LPP: variants seen among roughly 807,000 people sequenced by gnomAD.
LPP encodes the protein lipoma-preferred partner.
A neutral mutation model predicts 60.4 loss-of-function variants in LPP; 38 were observed. That is an observed-to-expected ratio of 0.63 (90% CI 0.49 to 0.83). LPP has a LOEUF of 0.83. Ranked by LOEUF, LPP falls within the 40% of genes least tolerant of loss-of-function variation. The pLI, the probability that LPP is intolerant of heterozygous loss-of-function variation, is 0.00. For missense variants in LPP, 902 were observed against 783.6 expected (o/e 1.15, Z -1.80); for synonymous variants, 328 against 290.8 (o/e 1.13, Z -1.30).
intron 3 of LPP, among the ~76,000 whole-genome samples, chr3:188,366,346 G>A (rs747116623): frequency 6.6e-6 from 1 of 152,154 alleles, no homozygotes; most frequent in Non-Finnish European, 1.5e-5. Context: ...AGTGAACATG[G>A]GAGTGCAGGT....
chr3:188,325,166 A>C (rs1023911235), intron 2 of LPP, among the ~76,000 whole-genome samples: 6 of 152,024 alleles, frequency 3.9e-5, no homozygotes, highest in Non-Finnish European at 8.8e-5. Context: ...TTTTTAGTAG[A>C]GATGGGTTTT....
chr3:188,688,621 A>G (rs541817304), intron 7 of LPP, among the ~76,000 whole-genome samples: 2 of 152,346 alleles, frequency 1.3e-5, no homozygotes, highest in South Asian at 2.1e-4. Flanking sequence ...AAGAGGAGCT[A>G]GAAGAGGTTT....
intron 3 of LPP, among the ~76,000 whole-genome samples, chr3:188,387,842 G>C (rs951933834): frequency 7.9e-5 from 12 of 152,152 alleles, no homozygotes; most frequent in Admixed American, 7.2e-4. Context: ...TGGGATTACA[G>C]GCATGAGCCA....
At chr3:188,618,836 A>G (rs1186063001) in intron 7 of LPP, among the ~76,000 whole-genome samples, 2 of 152,072 alleles carry the variant, frequency 1.3e-5, no homozygotes, top group Non-Finnish European at 2.9e-5. Flanking sequence ...TTTTAAATTC[A>G]CATTTAAAGA....
chr3:188,204,465 C>G (rs1198225481), intron 1 of LPP, among the ~76,000 whole-genome samples: 1 of 152,084 alleles, frequency 6.6e-6, no homozygotes, highest in Non-Finnish European at 1.5e-5. Context: ...GGGGGTGATT[C>G]TCAAGTTTTG....
intron 5 of LPP, among the ~76,000 whole-genome samples, chr3:188,512,200 A>G (rs1239021997): frequency 6.6e-6 from 1 of 152,190 alleles, no homozygotes; most frequent in Non-Finnish European, 1.5e-5. Flanking sequence ...TTGTTCAAAC[A>G]TCTTTTATCT....
intron 9 of LPP, among the ~76,000 whole-genome samples, chr3:188,828,556 A>G (rs1222604958): frequency 1.4e-5 from 2 of 146,866 alleles, no homozygotes; most frequent in South Asian, 2.2e-4. Flanking sequence ...TGGAGGTTTC[A>G]GAGAGCAGAG....
At chr3:188,155,269 A>C (rs1055976658) in intron 1 of LPP, among the ~76,000 whole-genome samples, 1 of 152,078 alleles carries the variant, frequency 6.6e-6, no homozygotes, top group African/African-American at 2.4e-5. Flanking sequence ...CCAACACAAA[A>C]CAACTAGCGA....
At chr3:188,855,770 C>G (rs2151899319) in intron 9 of LPP, among the ~76,000 whole-genome samples, 1 of 152,312 alleles carries the variant, frequency 6.6e-6, no homozygotes, top group East Asian at 1.9e-4. Flanking sequence ...GCCCTATTAA[C>G]TTAATTCCCT....
chr3:188,751,592 T>C (rs537299953), intron 8 of LPP, among the ~76,000 whole-genome samples: 1 of 152,322 alleles, frequency 6.6e-6, no homozygotes, highest in Admixed American at 6.5e-5. Context: ...TGTGGACTTT[T>C]AAAGTAGTAA....
chr3:188,853,082 G>A (rs1481199013), intron 9 of LPP, among the ~76,000 whole-genome samples: 2 of 152,116 alleles, frequency 1.3e-5, no homozygotes. Flanking sequence ...CCCGGGAAGT[G>A]GAGGTTGCAG....
At chr3:188,166,174 T>C (rs1035983566) in intron 1 of LPP, among the ~76,000 whole-genome samples, 5 of 151,432 alleles carry the variant, frequency 3.3e-5, no homozygotes, top group Admixed American at 3.3e-4. Flanking sequence ...TTTTTCTTCT[T>C]TCTTCTTCTT....
At chr3:188,331,850 C>A (rs907436509) in intron 2 of LPP, among the ~76,000 whole-genome samples, 1 of 152,148 alleles carries the variant, frequency 6.6e-6, no homozygotes, top group African/African-American at 2.4e-5. Context: ...GTTACTTAAT[C>A]TTTCTAAACC....
chr3:188,558,878 C>T (rs900002576), intron 6 of LPP, among the ~76,000 whole-genome samples: 1 of 152,050 alleles, frequency 6.6e-6, no homozygotes, highest in Admixed American at 6.6e-5. Flanking sequence ...GTGTATGACT[C>T]AGCTTTTGTC....
intron 4 of LPP, among the ~76,000 whole-genome samples, chr3:188,470,244 A>C (rs908268867): frequency 6.7e-6 from 1 of 149,586 alleles, no homozygotes; most frequent in Admixed American, 6.7e-5. Context: ...TCCCTATTTC[A>C]ATCTTTCAAC....
chr3:188,681,230 G>C (rs565331605), intron 7 of LPP, among the ~76,000 whole-genome samples: 1 of 152,080 alleles, frequency 6.6e-6, no homozygotes, highest in Non-Finnish European at 1.5e-5. Context: ...TCTTGACCTC[G>C]TGATCCACCC....
chr3:188,496,346 C>T (rs554675190), intron 5 of LPP, among the ~76,000 whole-genome samples: 7 of 152,194 alleles, frequency 4.6e-5, no homozygotes, highest in Non-Finnish European at 8.8e-5. Flanking sequence ...CCAGGCTGGT[C>T]TCGAACACCT....
At chr3:188,265,033 A>C (rs1734990707) in intron 2 of LPP, among the ~76,000 whole-genome samples, 1 of 152,114 alleles carries the variant, frequency 6.6e-6, no homozygotes, top group Non-Finnish European at 1.5e-5. Flanking sequence ...TTAGTTCCCC[A>C]AACTTCCACC....
chr3:188,690,835 C>G lies in LPP; in HGVS notation c.1114-17432C>G, dbSNP rs551491242. ...GGAACTCCTTAATTTTCATGGGCCTCTATTTGTAGAAGGATGCTAACAATA... is the reference window on the plus strand; with the variant it reads ...GGAACTCCTTAATTTTCATGGGCCTGTATTTGTAGAAGGATGCTAACAATA... On this transcript the variant is annotated intron_variant, in intron 7 of 11. Transcript: ENST00000617246. 2.6e-5 allele frequency among the ~76,000 whole-genome samples: 4 copies of G among 152,166 alleles called. No individual in the cohort carries two copies. The South Asian group carries it at 6.3e-4, about 24-fold the overall frequency.
Sources: allele counts gnomAD v4.1 joint callset (sites outside exome capture counted in the v4.1 genomes callset), GRCh38; gene constraint gnomAD v4.1.1; transcripts MANE v1.5; gene names NCBI Gene and HGNC (gene_info 2026-07-23, HGNC 2026-07-21).